The following WDFY4 variants were observed in gnomAD, a reference collection of about 807,000 sequenced individuals.
The protein encoded by WDFY4 is WD repeat- and FYVE domain-containing protein 4.
In WDFY4, 169 loss-of-function variants were observed where a neutral mutation model predicts 351.9. The ratio of observed to expected loss-of-function variants is 0.48; its 90% CI spans 0.42 to 0.55. The LOEUF is 0.55. Ranked by LOEUF, WDFY4 falls within the 20% of genes least tolerant of loss-of-function variation. The pLI is 0.00. For missense variants in WDFY4, 3,803 were observed against 3,935.6 expected, an observed-to-expected ratio of 0.97 and a Z score of 0.90; for synonymous variants, 1,622 against 1,574.6, an observed-to-expected ratio of 1.03 and a Z score of -0.71.
chr10:48,735,990 G>A lies in WDFY4; in HGVS notation c.1798G>A (p.Glu600Lys), dbSNP rs1168176159. The change falls in exon 11 of 62, where the codon GAG becomes AAG. Residue 600 changes from glutamate (E) to lysine (K), a missense_variant. By Grantham distance (56) the Glu-to-Lys change is moderately conservative. Coordinates refer to ENST00000325239, the MANE Select transcript of WDFY4 (RefSeq NM_001394531.1). The part of the protein sequence containing the change: ...ILEQLSAINA[E>K]EYMSIIVGAL... ...GGAGCAGCTCTCAGCCATCAACGCC[G>A]AGGAGTACATGAGCATCATTGTGGG... 3 of 1,551,862 alleles carry A rather than the reference G, an allele frequency of 1.9e-6. No individual in the cohort carries two copies. The highest frequency in any genetic ancestry group is 1.2e-5 in the South Asian group (1 of 84,058).
At chr10:48,833,113 G>T (rs1395511177) in intron 39 of WDFY4, among the ~76,000 whole-genome samples, 2 of 151,250 alleles carry the variant, frequency 1.3e-5, no homozygotes, top group South Asian at 2.1e-4. Flanking sequence ...TGCAAAACAA[G>T]TCTTCCTAAA....
intron 39 of WDFY4, among the ~76,000 whole-genome samples, chr10:48,838,645 A>G (rs1358808448): frequency 1.3e-5 from 2 of 152,190 alleles, no homozygotes; most frequent in African/African-American, 2.4e-5. Flanking sequence ...GTATCTATCC[A>G]TCACTTGACT....
At chr10:48,769,418 G>A (rs1370331501) in intron 13 of WDFY4, among the ~76,000 whole-genome samples, 1 of 152,166 alleles carries the variant, frequency 6.6e-6, no homozygotes. Context: ...TTTATTGCTG[G>A]CATTTCACTT....
rs2067415569 is a variant in WDFY4 at position 48,810,684 on chromosome 10, T to C, written c.4993T>C (p.Cys1665Arg). 2 of 1,551,248 alleles carry C rather than the reference T, an allele frequency of 1.3e-6. No individual in the cohort carries two copies. Among genetic ancestry groups the C allele is most frequent in the Non-Finnish European group, 1.7e-6 (2 of 1,146,832 alleles). The part of the protein sequence containing the change: ...SLRTRFRDGL[C>R]AGSWVERSTE... ...CCGCACACGGTTTAGAGATGGCCTG[T>C]GTGCAGGATCCTGGGTGGAACGCAG... is the stretch of plus-strand genomic sequence containing the variant. Residue 1665 changes from cysteine to arginine, a missense_variant, in exon 29 of 62, where the codon TGT (cysteine) becomes CGT (arginine). This residue lies in a region of WDFY4 where 3,054 missense variants were observed against 3,148.6 expected (regional missense o/e 0.97). Transcript: ENST00000325239.
chr10:48,840,448 CT>C (rs1306378069), intron 39 of WDFY4, among the ~76,000 whole-genome samples: 61 of 130,966 alleles, frequency 4.7e-4, no homozygotes, highest in African/African-American at 1.5e-3. Context: ...ACACACACAC[CT>C]CTCTCACGCA....
Position 48,904,390 on chromosome 10 carries a change from T to C in WDFY4, c.7586+2527T>C, listed in dbSNP as rs562705384. Reference sequence around the variant, plus strand: ...TTCATATAAGCCTTTATGTTCATACTTGGATTTCTCAGCACTGTTTCAGTA... The same window carrying C: ...TTCATATAAGCCTTTATGTTCATACCTGGATTTCTCAGCACTGTTTCAGTA... On this transcript the variant is annotated intron_variant, in intron 47 of 61. Coordinates refer to ENST00000325239, the MANE Select transcript of WDFY4 (RefSeq NM_001394531.1). Among the ~76,000 whole-genome samples, 7 of 152,372 alleles carry C rather than the reference T, an allele frequency of 4.6e-5. No individual in the cohort carries two copies. The South Asian group carries it at 1.4e-3, about 32-fold the overall frequency.
chr10:48,766,096 T>C (rs2065661342), intron 13 of WDFY4, among the ~76,000 whole-genome samples: 1 of 152,234 alleles, frequency 6.6e-6, no homozygotes, highest in Non-Finnish European at 1.5e-5. Flanking sequence ...AAAAGAGCCA[T>C]TTCCACCAAC....
chr10:48,793,857 T>A (rs2066764378), intron 23 of WDFY4, among the ~76,000 whole-genome samples: 1 of 152,178 alleles, frequency 6.6e-6, no homozygotes, highest in Non-Finnish European at 1.5e-5. Flanking sequence ...ACTGGTTGGG[T>A]GGGAGAGCAT....
At chr10:48,938,121 C>G (rs559745372) in intron 47 of WDFY4, among the ~76,000 whole-genome samples, 1 of 152,372 alleles carries the variant, frequency 6.6e-6, no homozygotes, top group East Asian at 1.9e-4. Flanking sequence ...CCTAGTGCTT[C>G]TTAACTCAAG....
chr10:48,831,415 T>C (rs2068184687), intron 38 of WDFY4, among the ~76,000 whole-genome samples: 1 of 152,246 alleles, frequency 6.6e-6, no homozygotes, highest in East Asian at 1.9e-4. Flanking sequence ...ACTGCAAGAA[T>C]GAATTTTTAA....
At chr10:48,686,887 A>G (rs2063064940) in intron 1 of WDFY4, among the ~76,000 whole-genome samples, 1 of 152,198 alleles carries the variant, frequency 6.6e-6, no homozygotes, top group South Asian at 2.1e-4. Flanking sequence ...TACTCTAGAA[A>G]TAGAATTGGT....
intron 31 of WDFY4, among the ~76,000 whole-genome samples, chr10:48,815,784 T>C (rs1191113807): frequency 6.6e-6 from 1 of 152,182 alleles, no homozygotes. Context: ...CATCAATAGA[T>C]TTCTTTGCAT....
At chr10:48,787,854 C>CT (rs2066469586) in intron 20 of WDFY4, among the ~76,000 whole-genome samples, 1 of 128,422 alleles carries the variant, frequency 7.8e-6, no homozygotes, top group Non-Finnish European at 1.6e-5. Flanking sequence ...TCTTCTTCTT[C>CT]TTCTTTCTTC....
At chr10:48,724,889 A>G (rs948238931) in intron 5 of WDFY4, among the ~76,000 whole-genome samples, 1 of 152,198 alleles carries the variant, frequency 6.6e-6, no homozygotes, top group African/African-American at 2.4e-5. Context: ...CAATTTTTTA[A>G]GTGCTATGTA....
rs1302640604 is a variant in WDFY4, at chr10:48,777,456, A to C, written c.3136A>C (p.Thr1046Pro). 1.3e-6 allele frequency: 2 copies of C among 1,551,734 alleles called. No homozygotes were observed. The highest frequency in any genetic ancestry group is 8.7e-7 in the Non-Finnish European group (1 of 1,147,008). Residue 1046 changes from threonine to proline, a missense_variant, in exon 17 of 62, where the codon ACC (threonine) becomes CCC (proline). Thr to Pro is a conservative substitution (Grantham distance 38, BLOSUM62 -1). Coordinates refer to ENST00000325239, the MANE Select transcript of WDFY4 (RefSeq NM_001394531.1). ...FIPTLSTVMGTSTEYSVSGGI... is the reference protein window; with the variant it reads ...FIPTLSTVMGPSTEYSVSGGI... ...TCCAACCCTGTCCACAGTTATGGGA[A>C]CCAGCACTGAGTACTCTGTCTCTGG...
At chr10:48,952,047 C>T (rs1027539695) in intron 51 of WDFY4, among the ~76,000 whole-genome samples, 1 of 152,206 alleles carries the variant, frequency 6.6e-6, no homozygotes, top group Non-Finnish European at 1.5e-5. Context: ...AAGACAGATG[C>T]TAACTGCAGA....
At chr10:48,930,406 T>C (rs184756132) in intron 47 of WDFY4, among the ~76,000 whole-genome samples, 170 of 152,332 alleles carry the variant, frequency 1.1e-3, no homozygotes, top group African/African-American at 4.0e-3. Context: ...ACACAGATGA[T>C]GGCACGACGG....
At chr10:48,975,144 G>A in intron 58 of WDFY4, 103 bp downstream of exon 58, 6 of 1,471,844 alleles carry the variant, frequency 4.1e-6, no homozygotes, top group Non-Finnish European at 5.6e-6. Flanking sequence ...AGCCACCCCA[G>A]AATGCTGAGA....
At chr10:48,791,202 G>A (rs2066667277) in intron 23 of WDFY4, among the ~76,000 whole-genome samples, 2 of 152,240 alleles carry the variant, frequency 1.3e-5, no homozygotes, top group Admixed American at 6.5e-5. Context: ...TCCCCACCTT[G>A]TCTCTAGCAT....
Sources: allele counts gnomAD v4.1 joint callset (sites outside exome capture counted in the v4.1 genomes callset), GRCh38; gene constraint gnomAD v4.1.1; regional missense constraint gnomAD v4.1.1; transcripts MANE v1.5; gene names NCBI Gene and HGNC (gene_info 2026-07-23, HGNC 2026-07-21).